CCDC57: variants seen among roughly 807,000 people sequenced by gnomAD.
CCDC57 encodes coiled-coil domain-containing protein 57.
A neutral mutation model predicts 118.9 loss-of-function variants in CCDC57; 118 were observed. That is an observed-to-expected ratio of 0.99 (90% CI 0.86 to 1.16). The LOEUF (loss-of-function observed/expected upper bound fraction) is 1.16, where lower values mean the gene tolerates loss of function less well. Among genes scored for constraint, CCDC57 ranks in the 50% most tolerant of loss-of-function variants. The probability of loss-of-function intolerance (pLI) is 0.00; values close to 1 mark genes in which losing one functional copy is unlikely to be tolerated. For missense variants in CCDC57, 1,300 were observed against 1,320.7 expected, an observed-to-expected ratio of 0.98 and a Z score of 0.24; for synonymous variants, 527 against 532.9, an observed-to-expected ratio of 0.99 and a Z score of 0.15.
intron 19 of CCDC57, among the ~76,000 whole-genome samples, chr17:82,110,917 C>A (rs1480385549): frequency 6.7e-6 from 1 of 150,126 alleles, no homozygotes; most frequent in South Asian, 2.1e-4. Context: ...CCCAGCTACT[C>A]GGGAGGCTGA....
At chr17:82,169,276 G>A (rs1314046824) in intron 13 of CCDC57, among the ~76,000 whole-genome samples, 1 of 152,124 alleles carries the variant, frequency 6.6e-6, no homozygotes, top group Non-Finnish European at 1.5e-5. Context: ...ACAGGTGCCT[G>A]CCACCACGCC....
chr17:82,157,512 A>G, intron 15 of CCDC57: 1 of 1,423,150 alleles, frequency 7.0e-7, no homozygotes, highest in Non-Finnish European at 9.1e-7. Flanking sequence ...CCCGCCCCCC[A>G]CCAACGGGGC....
chr17:82,137,973 CAGG>C (rs1342482010), intron 16 of CCDC57, among the ~76,000 whole-genome samples: 1 of 151,318 alleles, frequency 6.6e-6, no homozygotes, highest in Non-Finnish European at 1.5e-5. Flanking sequence ...TGCCCAGCCC[CAGG>C]AGACCTTTTA....
At chr17:82,124,701 T>A (rs2037179242) in intron 19 of CCDC57, among the ~76,000 whole-genome samples, 1 of 151,324 alleles carries the variant, frequency 6.6e-6, no homozygotes, top group African/African-American at 2.4e-5. Flanking sequence ...GAGGCTGAGG[T>A]GGGAGAATCA....
intron 19 of CCDC57, chr17:82,107,534 G>C: frequency 2.1e-6 from 1 of 470,944 alleles, no homozygotes; most frequent in South Asian, 1.5e-5. Flanking sequence ...AGGCCCCCAG[G>C]TAGGTGCGTG....
intron 11 of CCDC57, among the ~76,000 whole-genome samples, chr17:82,178,229 G>A (rs117268268): frequency 0.012 from 1,753 of 152,270 alleles, 22 homozygotes; most frequent in Non-Finnish European, 0.017. Flanking sequence ...TCACATGAAC[G>A]TCTGATATCT....
chr17:82,157,752 C>T (rs1176906232), exon 15 of CCDC57: 1 of 1,592,966 alleles, frequency 6.3e-7, no homozygotes, highest in East Asian at 2.3e-5. Context: ...ACCCACCTCT[C>T]TCCCAAGGGC....
chr17:82,126,706 GGCAGCCTTGACTAC>G (rs2037484614), intron 19 of CCDC57: 1 of 985,324 alleles, frequency 1.0e-6, no homozygotes, highest in Admixed American at 6.1e-5. Flanking sequence ...GTGGCACGCG[GGCAGCCTTGACTAC>G]GCAAGCCCCT....
At chr17:82,136,819 G>A (rs2039255170) in intron 16 of CCDC57, among the ~76,000 whole-genome samples, 1 of 152,086 alleles carries the variant, frequency 6.6e-6, no homozygotes, top group East Asian at 1.9e-4. Context: ...CTAGCCTCAA[G>A]TGATCCTCCT....
At chr17:82,198,357 C>A (rs1017585811) in exon 4 of CCDC57, 6 of 1,613,772 alleles carry the variant, frequency 3.7e-6, no homozygotes, top group Non-Finnish European at 5.1e-6. Context: ...CTCAAGTTTT[C>A]TCTCCAGTGT....
intron 16 of CCDC57, among the ~76,000 whole-genome samples, chr17:82,143,943 C>CAAAAAAAA (rs60893321): frequency 2.5e-5 from 3 of 120,926 alleles, no homozygotes. Context: ...ACTAAAAATA[C>CAAAAAAAA]AAAAAAAAAA....
At chr17:82,154,461 A>C (rs1377060083) in intron 15 of CCDC57, 1 of 152,404 alleles carries the variant, frequency 6.6e-6, no homozygotes, top group African/African-American at 2.4e-5. Context: ...GTGCCGCGTC[A>C]CACCTCAGTA....
chr17:82,158,376 G>A (rs1258674733), intron 14 of CCDC57, among the ~76,000 whole-genome samples: 5 of 152,204 alleles, frequency 3.3e-5, no homozygotes, highest in Non-Finnish European at 7.3e-5. Flanking sequence ...GGAAGTCGGA[G>A]GGCTGAGGCT....
intron 15 of CCDC57, chr17:82,157,346 C>G: frequency 1.3e-6 from 1 of 743,880 alleles, no homozygotes. Context: ...GCAGGGAGGG[C>G]CCAACGCTAG....
At chr17:82,157,382 G>C in intron 15 of CCDC57, 1 of 1,097,774 alleles carries the variant, frequency 9.1e-7, no homozygotes, top group Non-Finnish European at 1.1e-6. Context: ...GGCTGTGCAC[G>C]CAGACGCCCC....
intron 9 of CCDC57, among the ~76,000 whole-genome samples, chr17:82,180,223 G>A (rs1227032763): frequency 6.6e-6 from 1 of 152,194 alleles, no homozygotes; most frequent in Non-Finnish European, 1.5e-5. Context: ...TGAGGGAATG[G>A]AGGCCTTGGC....
Position 82,172,388 on chromosome 17 carries a change from G to C in CCDC57, c.1729+250C>G, listed in dbSNP as rs1490480080. ...CCAGGTCTAAAACAGGTTTTTAAGTGTGTCAAGCAGGTACCCTCATTTTTT... is the reference window on the plus strand; with the variant it reads ...CCAGGTCTAAAACAGGTTTTTAAGTCTGTCAAGCAGGTACCCTCATTTTTT... On this transcript the variant is annotated intron_variant, in intron 12 of 19. Coordinates refer to ENST00000665763, the Ensembl canonical transcript of CCDC57. The surrounding 1 kb of genome is among the most constrained non-coding windows in gnomAD (Gnocchi z 5.2). Among the ~76,000 whole-genome samples the C allele has an allele frequency of 6.6e-6, 1 of 152,216 alleles. No individual in the cohort carries two copies. Among genetic ancestry groups the C allele is most frequent in the Non-Finnish European group, 1.5e-5 (1 of 68,034 alleles).
intron 2 of CCDC57, among the ~76,000 whole-genome samples, chr17:82,207,295 T>C (rs1427243466): frequency 7.9e-5 from 12 of 151,050 alleles, no homozygotes; most frequent in East Asian, 3.9e-4. Context: ...ATTGCACCAC[T>C]GCACTCCAGC....
At chr17:82,126,870 CATGA>C (rs2037506772) in intron 19 of CCDC57, 1 of 985,336 alleles carries the variant, frequency 1.0e-6, no homozygotes, top group Non-Finnish European at 1.2e-6. Flanking sequence ...GGCACACCCT[CATGA>C]CGGAAGACAG....
Sources: gnomAD v4.1 joint callset for allele counts (sites outside exome capture counted in the v4.1 genomes callset) on GRCh38, gnomAD v4.1.1 for gene constraint, Gnocchi (gnomAD v3.1) non-coding constraint, MANE v1.5 for transcripts, NCBI Gene and HGNC (gene_info 2026-07-23, HGNC 2026-07-21) for gene names.